EXOC6B: variants seen among roughly 807,000 people sequenced by gnomAD.
EXOC6B encodes SEC15 homolog B.
Under a neutral mutation model 113.5 loss-of-function variants are expected in EXOC6B, and 54 were observed. That is an observed-to-expected ratio of 0.48 (90% CI 0.38 to 0.60). The LOEUF (loss-of-function observed/expected upper bound fraction) is 0.60, where lower values mean the gene tolerates loss of function less well. Ranked by LOEUF, EXOC6B falls within the 20% of genes least tolerant of loss-of-function variation. The pLI, the probability that EXOC6B is intolerant of heterozygous loss-of-function variation, is 0.00. For missense variants in EXOC6B, 797 were observed against 977.5 expected (o/e 0.82, Z 2.46); for synonymous variants, 357 against 339.0 (o/e 1.05, Z -0.58).
At chr2:72,723,673 TAGAA>T (rs1221122966) in intron 5 of EXOC6B, among the ~76,000 whole-genome samples, 1 of 147,934 alleles carries the variant, frequency 6.8e-6, no homozygotes, top group Non-Finnish European at 1.5e-5. Flanking sequence ...GCGCTAGAGA[TAGAA>T]AGATGTTCAG....
intron 19 of EXOC6B, among the ~76,000 whole-genome samples, chr2:72,372,793 A>G (rs1371980127): frequency 1.3e-5 from 2 of 151,940 alleles, no homozygotes. Context: ...GCAGTGAGCC[A>G]AGACTGCACC....
intron 19 of EXOC6B, among the ~76,000 whole-genome samples, chr2:72,363,731 T>G (rs1419237225): frequency 1.3e-5 from 2 of 152,092 alleles, no homozygotes; most frequent in Non-Finnish European, 2.9e-5. Flanking sequence ...CCTCTCATCT[T>G]TATATTGTTC....
At chr2:72,494,305 A>G (rs1014812906) in intron 15 of EXOC6B, among the ~76,000 whole-genome samples, 2 of 152,132 alleles carry the variant, frequency 1.3e-5, no homozygotes, top group African/African-American at 4.8e-5. Context: ...ATTATCTGAT[A>G]TAAGGTCACT....
intron 2 of EXOC6B, among the ~76,000 whole-genome samples, chr2:72,733,784 G>A (rs1036456660): frequency 6.6e-6 from 1 of 152,154 alleles, no homozygotes; most frequent in Non-Finnish European, 1.5e-5. Context: ...ATATAGGATA[G>A]TAATTTCCTC....
At chr2:72,238,314 C>T (rs1352599154) in intron 20 of EXOC6B, among the ~76,000 whole-genome samples, 1 of 152,118 alleles carries the variant, frequency 6.6e-6, no homozygotes, top group Non-Finnish European at 1.5e-5. Flanking sequence ...CAGTTCATGG[C>T]CATTTGGATT....
chr2:72,223,513 G>C (rs1681004324), intron 20 of EXOC6B, among the ~76,000 whole-genome samples: 2 of 152,134 alleles, frequency 1.3e-5, no homozygotes, highest in Non-Finnish European at 2.9e-5. Flanking sequence ...TCCTTGTATA[G>C]TTTAAAATTA....
intron 6 of EXOC6B, among the ~76,000 whole-genome samples, chr2:72,649,721 C>G (rs1674020405): frequency 1.3e-5 from 2 of 152,140 alleles, no homozygotes; most frequent in Admixed American, 6.5e-5. Flanking sequence ...AAGGGACACA[C>G]ACATAATTCA....
At chr2:72,465,000 T>A (rs1697949204) in intron 18 of EXOC6B, 160 bp downstream of exon 18, 2 of 621,250 alleles carry the variant, frequency 3.2e-6, no homozygotes, top group Admixed American at 6.4e-5. Flanking sequence ...ATGATGGAAG[T>A]AGCCTCTACA....
intron 6 of EXOC6B, among the ~76,000 whole-genome samples, chr2:72,672,807 G>T (rs1340094079): frequency 6.6e-6 from 1 of 152,136 alleles, no homozygotes; most frequent in African/African-American, 2.4e-5. Context: ...GCTGGGATAG[G>T]TTGGGGGATG....
intron 5 of EXOC6B, among the ~76,000 whole-genome samples, chr2:72,725,592 A>C (rs559110863): frequency 6.8e-4 from 104 of 152,190 alleles, no homozygotes; most frequent in Non-Finnish European, 1.1e-3. Context: ...GGGTTTCACC[A>C]TGTTAGCCAG....
intron 8 of EXOC6B, among the ~76,000 whole-genome samples, chr2:72,519,084 A>C (rs114386006): frequency 6.6e-6 from 1 of 152,208 alleles, no homozygotes; most frequent in Admixed American, 6.5e-5. Flanking sequence ...CCTACTTGCT[A>C]AAATTTATTT....
chr2:72,633,168 T>C (rs527761021), intron 6 of EXOC6B, among the ~76,000 whole-genome samples: 5 of 152,234 alleles, frequency 3.3e-5, no homozygotes, highest in Non-Finnish European at 7.3e-5. Flanking sequence ...TTAAGCAAGT[T>C]AACAAAAAGT....
chr2:72,299,869 G>A (rs1187579231), intron 20 of EXOC6B, among the ~76,000 whole-genome samples: 1 of 152,152 alleles, frequency 6.6e-6, no homozygotes, highest in African/African-American at 2.4e-5. Context: ...ACCAGTGGAG[G>A]CTGCAAAATA....
intron 12 of EXOC6B, among the ~76,000 whole-genome samples, chr2:72,499,296 T>C (rs1700201989): frequency 6.6e-6 from 1 of 151,480 alleles, no homozygotes; most frequent in African/African-American, 2.4e-5. Flanking sequence ...AATGGCACTA[T>C]CTCAGCTCAC....
intron 20 of EXOC6B, among the ~76,000 whole-genome samples, chr2:72,283,867 A>G (rs1239623455): frequency 3.3e-5 from 5 of 152,148 alleles, no homozygotes; most frequent in African/African-American, 1.2e-4. Flanking sequence ...TTTGCCCACA[A>G]ATTTGATAAC....
intron 7 of EXOC6B, among the ~76,000 whole-genome samples, chr2:72,560,524 C>T (rs947823993): frequency 3.3e-5 from 5 of 151,866 alleles, no homozygotes; most frequent in Admixed American, 1.3e-4. Flanking sequence ...TAAAGTAAAC[C>T]TCATTTCTTC....
intron 6 of EXOC6B, among the ~76,000 whole-genome samples, chr2:72,595,129 C>T (rs1038661694): frequency 4.6e-5 from 7 of 151,748 alleles, no homozygotes; most frequent in African/African-American, 1.7e-4. Flanking sequence ...GGCGTGGTGG[C>T]AAATGCTTGT....
chr2:72,700,824 G>A (rs916633510), intron 6 of EXOC6B, among the ~76,000 whole-genome samples: 2 of 152,116 alleles, frequency 1.3e-5, no homozygotes, highest in Non-Finnish European at 2.9e-5. Flanking sequence ...GATGGAGGGT[G>A]CCTGTAATCC....
chr2:72,545,068 A>G (rs780357451), intron 8 of EXOC6B, among the ~76,000 whole-genome samples: 1 of 152,144 alleles, frequency 6.6e-6, no homozygotes, highest in Non-Finnish European at 1.5e-5. Flanking sequence ...GATATTTACT[A>G]CAGTTACATA....
Sources: allele counts gnomAD v4.1 joint callset (sites outside exome capture counted in the v4.1 genomes callset), GRCh38; gene constraint gnomAD v4.1.1; transcripts MANE v1.5; gene names NCBI Gene and HGNC (gene_info 2026-07-23, HGNC 2026-07-21).